DNHD1: variants seen among roughly 807,000 people sequenced by gnomAD.
The protein encoded by DNHD1 is dynein heavy chain domain-containing protein 1.
Under a neutral mutation model 458.1 loss-of-function variants are expected in DNHD1, and 383 were observed. The observed-to-expected ratio is 0.84, with a 90% confidence interval of 0.77 to 0.91. DNHD1 has a LOEUF of 0.91. Among genes scored for constraint, DNHD1 ranks in the 40% least tolerant of loss-of-function variants. DNHD1 has a pLI of 0.00. For missense variants in DNHD1, 5,336 were observed against 5,866.1 expected (o/e 0.91, Z 2.95); for synonymous variants, 2,203 against 2,376.9 (o/e 0.93, Z 2.13).
In DNHD1 at chr11:6,531,982, A is replaced by C. The variant is rs576924672; in HGVS notation, c.2348-1045A>C. Among the ~76,000 whole-genome samples the C allele has an allele frequency of 1.2e-4, 19 of 152,320 alleles. No individual in the cohort carries two copies. The East Asian group carries it at 3.1e-3, about 25-fold the overall frequency. On this transcript the variant is annotated intron_variant, in intron 12 of 42. Coordinates refer to ENST00000254579, the MANE Select transcript of DNHD1 (RefSeq NM_144666.3). ...CCTGAGTCTGAATCCTTGCTCTGCCACTGTGTGATGTTGATCAAGTGACAT... is the reference window on the plus strand; with the variant it reads ...CCTGAGTCTGAATCCTTGCTCTGCCCCTGTGTGATGTTGATCAAGTGACAT...
intron 18 of DNHD1, among the ~76,000 whole-genome samples, chr11:6,543,285 C>T (rs1197116755): frequency 6.6e-6 from 1 of 152,182 alleles, no homozygotes; most frequent in Non-Finnish European, 1.5e-5. Flanking sequence ...TACCTCATTT[C>T]CAGCCCTAGT....
intron 38 of DNHD1, 21 bp from the exon 39 acceptor site, chr11:6,568,644 A>G (rs1180914099): frequency 3.1e-6 from 5 of 1,613,890 alleles, no homozygotes; most frequent in Non-Finnish European, 4.2e-6. Context: ...GTGCTGACTC[A>G]GCACTCTCCT....
chr11:6,520,678 T>G, intron 10 of DNHD1: 2 of 1,055,322 alleles, frequency 1.9e-6, no homozygotes, highest in Non-Finnish European at 1.1e-6. Context: ...CAACACTTGC[T>G]TTATGTCATA....
At position 6,528,796 on chromosome 11, in the gene DNHD1, A is replaced by G. The variant is rs1170859802; in HGVS notation, c.2103+9A>G. The G allele has an allele frequency of 2.6e-6, 4 of 1,551,192 alleles. No individual in the cohort carries two copies. The highest frequency in any genetic ancestry group is 1.4e-5 in the African/African-American group (1 of 73,064). ...AACAGGTGCTGCTGGAGGTGAGAAC[A>G]GTGGTTTAAGGGATAGGGCGCTGCC... On this transcript the variant is annotated intron_variant, in intron 11 of 42. Transcript: ENST00000254579.
At chr11:6,552,717 A>G (rs1321352533) in intron 24 of DNHD1, among the ~76,000 whole-genome samples, 1 of 152,000 alleles carries the variant, frequency 6.6e-6, no homozygotes, top group South Asian at 2.1e-4. Context: ...TATCATGAGA[A>G]CAGCATGGGG....
chr11:6,498,653 T>G lies in DNHD1; in HGVS notation c.438T>G (p.His146Gln), dbSNP rs769071406. Residue 146 changes from histidine (H) to glutamine (Q), a missense_variant, in exon 3 of 43, where the codon CAT (histidine) becomes CAG (glutamine). His to Gln is a conservative substitution (Grantham distance 24). Transcript: ENST00000254579. ...GCTCTTTGTTAGACAGTGCTTCCCA[T>G]GCTGACTGCTGTCCCCAGAAGCGGA... ...PDSSLLDSAS[H>Q]ADCCPQKRRL... 1 of 1,614,234 alleles carries G rather than the reference T, an allele frequency of 6.2e-7. No individual in the cohort carries two copies. The highest frequency in any genetic ancestry group is 2.2e-5 in the East Asian group (1 of 44,888).
chr11:6,521,649 C>G (rs1374332162), intron 10 of DNHD1, among the ~76,000 whole-genome samples: 1 of 152,152 alleles, frequency 6.6e-6, no homozygotes, highest in Non-Finnish European at 1.5e-5. Context: ...ATTCTTTAAA[C>G]TTTTCTACAA....
chr11:6,570,833 C>T lies in DNHD1; in HGVS notation c.13321C>T (p.Gln4441Ter). 1.2e-6 allele frequency: 2 copies of T among 1,614,042 alleles called. No individual in the cohort carries two copies. Among genetic ancestry groups the T allele is most frequent in the Non-Finnish European group, 1.7e-6 (2 of 1,179,898 alleles). Reference protein sequence around the residue: ...GAQLAERRLRQRLVQVNRRLE... With the variant: ...GAQLAERRLR ...CCAGCTTGCGGAAAGGCGACTGCGG[C>T]AACGCCTAGTGCAAGTCAACCGGAG... is the stretch of plus-strand genomic sequence containing the variant. Residue 4441 changes from glutamine (Q) to a stop codon, truncating the protein, a stop_gained, in exon 42 of 43, where the codon CAA becomes TAA. Coordinates refer to ENST00000254579, the MANE Select transcript of DNHD1 (RefSeq NM_144666.3). LOFTEE classifies it high-confidence loss of function.
At chr11:6,531,245 G>A (rs1005378652) in intron 12 of DNHD1, among the ~76,000 whole-genome samples, 5 of 152,114 alleles carry the variant, frequency 3.3e-5, no homozygotes, top group African/African-American at 9.7e-5. Context: ...AACAAATGGC[G>A]TAATTATACA....
At chr11:6,508,363 C>T (rs1852268279) in intron 4 of DNHD1, 1 of 153,014 alleles carries the variant, frequency 6.5e-6, no homozygotes, top group Non-Finnish European at 1.5e-5. Flanking sequence ...TTCTAGTCTT[C>T]CTCTGCTTTT....
rs1347763598 is a variant in DNHD1 at position 6,502,787 on chromosome 11, G to T, written c.781G>T (p.Ala261Ser). 1.9e-6 allele frequency: 3 copies of T among 1,607,256 alleles called. No homozygotes were observed. The highest frequency in any genetic ancestry group is 3.4e-5 in the Admixed American group (2 of 58,390). ...TGACTATGAAGTTCCCAGGGAAAAG[G>T]CCTTCCAAAAGAGCAGCACCGGCTT... is the stretch of plus-strand genomic sequence containing the variant. ...QLDYEVPREK[A>S]FQKSSTGFSP... is the part of the protein sequence containing the mutation. The change falls in exon 4 of 43, where the codon GCC becomes TCC. Residue 261 changes from alanine to serine, a missense_variant. This residue lies in a region of DNHD1 where 3,932 missense variants were observed against 4,365.6 expected (regional missense o/e 0.90). Coordinates refer to ENST00000254579, the MANE Select transcript of DNHD1 (RefSeq NM_144666.3).
Position 6,563,770 on chromosome 11 carries a change from T to C in DNHD1, c.9930T>C (p.Gly3310=). The C allele has an allele frequency of 6.4e-7, 1 of 1,551,606 alleles. No individual in the cohort carries two copies. The highest frequency in any genetic ancestry group is 8.7e-7 in the Non-Finnish European group (1 of 1,146,990). ...IKLHLILKAP[G]MDDAALRAVS... ...TACATCTAATTCTGAAGGCTCCAGG[T>C]ATGGACGATGCAGCCCTGCGGGCAG... The change falls in exon 31 of 43, where the codon GGT becomes GGC. Residue 3310 remains glycine (G), a synonymous_variant. Transcript: ENST00000254579.
intron 4 of DNHD1, 142 bp from the exon 5 acceptor site, chr11:6,508,738 C>T: frequency 1.5e-6 from 1 of 681,188 alleles, no homozygotes; most frequent in Non-Finnish European, 2.4e-6. Flanking sequence ...GTTTAAAAAT[C>T]ATTCTGCTCT....
In DNHD1 at chr11:6,538,394, C is replaced by T; in HGVS notation, c.3010C>T (p.Pro1004Ser). The change falls in exon 15 of 43, where the codon CCT becomes TCT. Residue 1004 changes from proline to serine, a missense_variant. Coordinates refer to ENST00000254579, the MANE Select transcript of DNHD1 (RefSeq NM_144666.3). ...AYAIFTEDET[P>S]VPLPICGTRP... The stretch of plus-strand genomic sequence containing the variant: ...GCCCTCCCCCACAGAGGATGAGACT[C>T]CTGTGCCCTTGCCAATCTGTGGGAC... 6.4e-7 allele frequency: 1 copy of T among 1,551,774 alleles called. No homozygotes were observed. Among genetic ancestry groups the T allele is most frequent in the South Asian group, 1.2e-5 (1 of 84,062 alleles).
rs1190653497 is a variant in DNHD1 at position 6,563,958 on chromosome 11, A to G, written c.10118A>G (p.Glu3373Gly). Residue 3373 changes from glutamate to glycine, a missense_variant, in exon 31 of 43, where the codon GAG becomes GGG. Coordinates refer to ENST00000254579, the MANE Select transcript of DNHD1 (RefSeq NM_144666.3). ...GGCTACTACCAGTTTCAGGCCCAGG[A>G]GACCCTGGAGCATAATTTGGCCCTG... ...RLGYYQFQAQ[E>G]TLEHNLALAK... 1 of 1,551,742 alleles carries G rather than the reference A, an allele frequency of 6.4e-7. No homozygotes were observed. Among genetic ancestry groups the G allele is most frequent in the South Asian group, 1.2e-5 (1 of 84,068 alleles).
intron 6 of DNHD1, 22 bp from the exon 7 acceptor site, chr11:6,511,251 C>T (rs1457345436): frequency 6.2e-7 from 1 of 1,612,148 alleles, no homozygotes; most frequent in Non-Finnish European, 8.5e-7. Flanking sequence ...CCAGCTCTGA[C>T]CAGCTTAGTC....
At chr11:6,502,046 G>T (rs1212228825) in intron 3 of DNHD1, among the ~76,000 whole-genome samples, 1 of 151,948 alleles carries the variant, frequency 6.6e-6, no homozygotes, top group Non-Finnish European at 1.5e-5. Flanking sequence ...TCATTCCAGA[G>T]TTTTTTTTGT....
chr11:6,557,172 T>C lies in DNHD1; in HGVS notation c.7877T>C (p.Val2626Ala). The C allele has an allele frequency of 6.4e-7, 1 of 1,551,732 alleles. No individual in the cohort carries two copies. The highest frequency in any genetic ancestry group is 2.4e-5 in the East Asian group (1 of 40,926). The change falls in exon 25 of 43, where the codon GTG becomes GCG. Residue 2626 changes from valine to alanine, a missense_variant. Around this residue, in one of 4 missense-constraint regions of DNHD1, gnomAD observed 3,932 missense variants for 4,365.6 expected, o/e 0.90. Coordinates refer to ENST00000254579, the MANE Select transcript of DNHD1 (RefSeq NM_144666.3). ...YPNHQEHLRR[V>A]SGLRGTCLTV... ...AACCACCAGGAGCACTTGCGCCGGGTGTCAGGCCTGCGAGGCACTTGTCTG... is the reference window on the plus strand; with the variant it reads ...AACCACCAGGAGCACTTGCGCCGGGCGTCAGGCCTGCGAGGCACTTGTCTG...
Position 6,548,004 on chromosome 11 carries a change from C to T in DNHD1, c.6869C>T (p.Ala2290Val). The T allele has an allele frequency of 6.4e-7, 1 of 1,551,604 alleles. No homozygotes were observed. The highest frequency in any genetic ancestry group is 8.7e-7 in the Non-Finnish European group (1 of 1,146,982). The stretch of plus-strand genomic sequence containing the variant: ...CTGGCTGTCAGCAGTTTTCTTTTTG[C>T]CTTGATCTGGGGCTTTGGAGCCCAC... Reference protein sequence around the residue: ...HLLAVSSFLFALIWGFGAHLP... With the variant: ...HLLAVSSFLFVLIWGFGAHLP... The change falls in exon 22 of 43, where the codon GCC becomes GTC. Residue 2290 changes from alanine to valine, a missense_variant. Physicochemically the swap from Ala to Val is moderately conservative, Grantham distance 64. This residue lies in a region of DNHD1 where 3,932 missense variants were observed against 4,365.6 expected (regional missense o/e 0.90). Coordinates refer to ENST00000254579, the MANE Select transcript of DNHD1 (RefSeq NM_144666.3). This position sits in a 1 kb window ranked among gnomAD's most constrained non-coding sequence, Gnocchi z 4.4.
Sources: gnomAD v4.1 joint callset for allele counts (sites outside exome capture counted in the v4.1 genomes callset) on GRCh38, gnomAD v4.1.1 for gene constraint, gnomAD v4.1.1 regional missense constraint, Gnocchi (gnomAD v3.1) non-coding constraint, MANE v1.5 for transcripts, NCBI Gene and HGNC (gene_info 2026-07-23, HGNC 2026-07-21) for gene names.